NOSTRIN: variants seen among roughly 807,000 people sequenced by gnomAD.
The protein encoded by NOSTRIN is BM247 homolog.
Under a neutral mutation model 59.0 loss-of-function variants are expected in NOSTRIN, and 63 were observed. That is an observed-to-expected ratio of 1.07 (90% CI 0.87 to 1.32). The LOEUF (loss-of-function observed/expected upper bound fraction) is 1.32. Among genes scored for constraint, NOSTRIN ranks in the 40% most tolerant of loss-of-function variants. The pLI, the probability that NOSTRIN is intolerant of heterozygous loss-of-function variation, is 0.00. For missense variants in NOSTRIN, 512 were observed against 473.1 expected (o/e 1.08, Z -0.76); for synonymous variants, 200 against 165.4 (o/e 1.21, Z -1.61).
intron 1 of NOSTRIN, among the ~76,000 whole-genome samples, chr2:168,808,743 TAGAA>T (rs1478636817): frequency 6.6e-6 from 1 of 152,190 alleles, no homozygotes; most frequent in Non-Finnish European, 1.5e-5. Flanking sequence ...TGTCCTTGGA[TAGAA>T]AGTCTAAACA....
At chr2:168,841,235 C>CAAAAAAAAAA (rs57480764) in intron 7 of NOSTRIN, among the ~76,000 whole-genome samples, 10 of 106,576 alleles carry the variant, frequency 9.4e-5, no homozygotes, top group East Asian at 2.5e-4. Flanking sequence ...ACCCTGTCTC[C>CAAAAAAAAAA]AAAAAAAAAA....
intron 15 of NOSTRIN, 134 bp downstream of exon 15, chr2:168,862,183 C>A (rs1689500222): frequency 1.4e-6 from 1 of 729,306 alleles, no homozygotes; most frequent in African/African-American, 1.8e-5. Context: ...GAAAGATAAG[C>A]ACATCTAAAA....
chr2:168,856,928 A>G, intron 12 of NOSTRIN, 150 bp downstream of exon 12: 1 of 670,444 alleles, frequency 1.5e-6, no homozygotes, highest in Non-Finnish European at 2.6e-6. Context: ...CAGCTTCATA[A>G]GTCATTTGAG....
chr2:168,806,035 C>T (rs1374685902), intron 1 of NOSTRIN, among the ~76,000 whole-genome samples: 3 of 152,172 alleles, frequency 2.0e-5, no homozygotes, highest in African/African-American at 7.2e-5. Context: ...TTCCATATCC[C>T]GTAATCTATG....
At chr2:168,852,982 A>G (rs573120655) in intron 10 of NOSTRIN, among the ~76,000 whole-genome samples, 112 of 152,230 alleles carry the variant, frequency 7.4e-4, no homozygotes, top group Non-Finnish European at 1.3e-3. Context: ...ATTTTCTTAC[A>G]AAGAATAATA....
In NOSTRIN at chr2:168,843,073, T is replaced by G. The variant is rs1160921542; in HGVS notation, c.586T>G (p.Ser196Ala). The G allele has an allele frequency of 5.7e-6, 5 of 872,586 alleles. No individual in the cohort carries two copies. The highest frequency in any genetic ancestry group is 5.1e-5 in the Admixed American group (3 of 59,138). 54.1% of individuals were successfully genotyped at this position (872,586 alleles called of 1,614,324 possible). A position where few individuals can be genotyped will look rare whatever the true frequency, so the allele number is the denominator to read the frequency against. The change falls in exon 8 of 16, where the codon TCT (serine) becomes GCT (alanine). Residue 196 changes from serine to alanine, a missense_variant. Ser to Ala is a moderately conservative substitution (Grantham distance 99, BLOSUM62 1). Coordinates refer to ENST00000317647, the MANE Select transcript of NOSTRIN (RefSeq NM_001039724.4). ...NYYQKNMAGY[S>A]TRLKWENTLE... is the part of the protein sequence containing the mutation. ...CTACCAAAAAAACATGGCGGGTTAT[T>G]CTACCAGACTGAAATGGGAAAACAC...
At position 168,851,537 on chromosome 2, in the gene NOSTRIN, A is replaced by T. The variant is rs75984170; in HGVS notation, c.855+133A>T. The T allele has an allele frequency of 2.3e-3, 3,043 of 1,335,944 alleles. 43 individuals carry two copies. In the African/African-American group the frequency reaches 0.035, roughly 15 times the overall value. 82.8% of individuals were successfully genotyped at this position (1,335,944 alleles called of 1,614,324 possible). On this transcript the variant is annotated intron_variant, in intron 10 of 15. Transcript: ENST00000317647. ...GATTTCTCATACCCCATATAAATTT[A>T]AAAAACCCAGCATTCTAGTTTACAA...
intron 7 of NOSTRIN, among the ~76,000 whole-genome samples, chr2:168,837,526 G>A: frequency 6.6e-6 from 1 of 151,918 alleles, no homozygotes; most frequent in Non-Finnish European, 1.5e-5. Context: ...AGCTAGGATA[G>A]TCTCGATCTC....
intron 15 of NOSTRIN, among the ~76,000 whole-genome samples, chr2:168,864,422 AT>A (rs1689719030): frequency 6.6e-6 from 1 of 151,736 alleles, no homozygotes; most frequent in East Asian, 1.9e-4. Context: ...AGTAGCTGGT[AT>A]TACAGGCGTG....
intron 8 of NOSTRIN, among the ~76,000 whole-genome samples, chr2:168,846,922 TCATTCTTTCCTAGGACTCTGTTGA>T (rs1688463580): frequency 6.6e-6 from 1 of 152,216 alleles, no homozygotes; most frequent in African/African-American, 2.4e-5. Context: ...CAGTAGGGCT[TCATTCTTTCCTAGGACTCTGTTGA>T]AAAAGGTAAT....
chr2:168,817,280 C>A (rs1029178301), intron 2 of NOSTRIN, among the ~76,000 whole-genome samples: 5 of 152,272 alleles, frequency 3.3e-5, no homozygotes, highest in Middle Eastern at 3.4e-3. Context: ...CCTGGTTCAG[C>A]CTCCTTTGCA....
chr2:168,856,908 C>A lies in NOSTRIN; in HGVS notation c.1053+130C>A. 4.0e-6 allele frequency: 3 copies of A among 750,816 alleles called. No individual in the cohort carries two copies. The South Asian group carries it at 5.2e-5, about 13-fold the overall frequency. The allele number at this position is 750,816 out of a possible 1,614,324, so 46.5% of individuals were successfully genotyped here. On this transcript the variant is annotated intron_variant, in intron 12 of 15. Coordinates refer to ENST00000317647, the MANE Select transcript of NOSTRIN (RefSeq NM_001039724.4). The stretch of plus-strand genomic sequence containing the variant: ...GACATAGAACAATCTAGTGGGGGAG[C>A]TTATAGGGTCAGCTTCATAAGTCAT...
intron 10 of NOSTRIN, among the ~76,000 whole-genome samples, chr2:168,851,687 C>G (rs1430297209): frequency 6.6e-6 from 1 of 152,268 alleles, no homozygotes; most frequent in African/African-American, 2.4e-5. Flanking sequence ...TTTCAATGAC[C>G]TATAATTAAT....
At chr2:168,802,290 G>A, upstream of NOSTRIN, 1 of 244,912 alleles carries the variant, frequency 4.1e-6, no homozygotes. Context: ...AGGCTGAGAG[G>A]ATATGTGTTC....
chr2:168,859,494 C>T lies in NOSTRIN; in HGVS notation c.1054-18C>T, dbSNP rs1235374147. ...TTTACTAGAAATTTGCTCACATGGC[C>T]AAATGATGTATCCACAGAACAATTT... On this transcript the variant is annotated intron_variant, in intron 12 of 15. Coordinates refer to ENST00000317647, the MANE Select transcript of NOSTRIN (RefSeq NM_001039724.4). The T allele has an allele frequency of 6.2e-7, 1 of 1,609,874 alleles. No individual in the cohort carries two copies. Among genetic ancestry groups the T allele is most frequent in the African/African-American group, 1.3e-5 (1 of 74,756 alleles).
intron 3 of NOSTRIN, among the ~76,000 whole-genome samples, chr2:168,825,673 G>T (rs546280261): frequency 2.2e-4 from 34 of 152,236 alleles, no homozygotes; most frequent in Admixed American, 5.2e-4. Context: ...TTTATTAGGG[G>T]GAGAGAAGAA....
At chr2:168,828,784 G>A (rs1687196877) in intron 5 of NOSTRIN, among the ~76,000 whole-genome samples, 1 of 152,030 alleles carries the variant, frequency 6.6e-6, no homozygotes, top group Non-Finnish European at 1.5e-5. Flanking sequence ...AGAATAATTT[G>A]CAATGATTCA....
rs543560861 is a variant in NOSTRIN at position 168,822,453 on chromosome 2, G to C, written c.114-2181G>C. On this transcript the variant is annotated intron_variant, in intron 2 of 15. Transcript: ENST00000317647. ...TTCTTTGCTCAGTCTATGCCACGGA[G>C]TTAATTTGTGTGAAAACACGCAGGT... Among the ~76,000 whole-genome samples the C allele has an allele frequency of 1.2e-4, 19 of 152,322 alleles. No homozygotes were observed. The South Asian group carries it at 3.7e-3, about 30-fold the overall frequency.
At chr2:168,808,533 C>T (rs1685980103) in intron 1 of NOSTRIN, among the ~76,000 whole-genome samples, 1 of 152,214 alleles carries the variant, frequency 6.6e-6, no homozygotes, top group African/African-American at 2.4e-5. Context: ...GCACAAGGCC[C>T]CATGGCTTTT....
Sources: gnomAD v4.1 joint callset for allele counts (sites outside exome capture counted in the v4.1 genomes callset) on GRCh38, gnomAD v4.1.1 for gene constraint, MANE v1.5 for transcripts, NCBI Gene and HGNC (gene_info 2026-07-23, HGNC 2026-07-21) for gene names.